ARV1: variants seen among roughly 807,000 people sequenced by gnomAD.
ARV1 encodes ARV1 fatty acid homeostasis modulator, also known as protein ARV1.
Under a neutral mutation model 31.1 loss-of-function variants are expected in ARV1, and 26 were observed. The observed-to-expected ratio is 0.84, with a 90% CI of 0.61 to 1.16. The LOEUF (loss-of-function observed/expected upper bound fraction) is 1.16, where lower values mean the gene tolerates loss of function less well. ARV1 is among the 50% of genes most tolerant of loss of function. The pLI is 0.00. For missense variants in ARV1, 281 were observed against 324.9 expected, an observed-to-expected ratio of 0.86 and a Z score of 1.04; for synonymous variants, 117 against 123.2, an observed-to-expected ratio of 0.95 and a Z score of 0.34.
chr1:230,984,790 T>C (rs202014705), intron 1 of ARV1, among the ~76,000 whole-genome samples: 647 of 114,734 alleles, frequency 5.6e-3, no homozygotes, highest in South Asian at 8.7e-3. Flanking sequence ...AGGTGCAAGG[T>C]TCTAAATCCT....
intron 1 of ARV1, among the ~76,000 whole-genome samples, chr1:230,984,367 T>TGTGCGCGC (rs1553303970): frequency 1.6e-5 from 2 of 124,296 alleles, no homozygotes; most frequent in African/African-American, 7.0e-5. Context: ...TGTGTGCGTG[T>TGTGCGCGC]GTGTGTGTGT....
At chr1:230,989,151 A>G (rs570260374) in intron 2 of ARV1, among the ~76,000 whole-genome samples, 1 of 151,966 alleles carries the variant, frequency 6.6e-6, no homozygotes, top group South Asian at 2.1e-4. Context: ...TTATTTATTT[A>G]TTTTTGAGAC....
chr1:230,995,631 T>C lies in ARV1; in HGVS notation c.449-129T>C, dbSNP rs140543613. 1.6e-3 allele frequency: 1,056 copies of C among 677,126 alleles called. 14 individuals are homozygous for C. The East Asian group carries it at 0.029, about 18-fold the overall frequency. The allele number at this position is 677,126 out of a possible 1,614,324, so 41.9% of individuals were successfully genotyped here. Reference sequence around the variant, plus strand: ...CAAAAAGAAGAAGAAAAAGAGATTGTGATCTTGAGAAAGTATTTCTTATGA... The same window carrying C: ...CAAAAAGAAGAAGAAAAAGAGATTGCGATCTTGAGAAAGTATTTCTTATGA... On this transcript the variant is annotated intron_variant, in intron 3 of 5. Transcript: ENST00000310256.
chr1:230,996,670 G>T (rs1006120361), intron 4 of ARV1, among the ~76,000 whole-genome samples: 3 of 152,114 alleles, frequency 2.0e-5, no homozygotes, highest in African/African-American at 7.2e-5. Flanking sequence ...TCCTGGGCTC[G>T]AGCAGTCTGT....
chr1:230,990,715 C>A, intron 3 of ARV1: 1 of 246,866 alleles, frequency 4.1e-6, no homozygotes, highest in Non-Finnish European at 8.4e-6. Flanking sequence ...ACCACCACAC[C>A]ATGCACCACC....
At chr1:230,989,964 A>T in intron 2 of ARV1, 146 bp from the exon 3 acceptor site, 1 of 798,196 alleles carries the variant, frequency 1.3e-6, no homozygotes, top group Non-Finnish European at 1.9e-6. Context: ...CTCACTGATT[A>T]CAAAATGACT....
chr1:230,987,397 G>T (rs901362617), intron 1 of ARV1, among the ~76,000 whole-genome samples: 6 of 152,324 alleles, frequency 3.9e-5, no homozygotes, highest in South Asian at 4.1e-4. Context: ...TAAAGTGAAT[G>T]GTAGCATTGA....
At chr1:230,998,136 G>C (rs1390931891) in intron 5 of ARV1, among the ~76,000 whole-genome samples, 1 of 152,088 alleles carries the variant, frequency 6.6e-6, no homozygotes, top group African/African-American at 2.4e-5. Context: ...CTGACCTGTG[G>C]GTGTTCCCCT....
In ARV1 at chr1:230,990,041, C is replaced by G. The variant is rs1679185705; in HGVS notation, c.295-69C>G. 3.4e-6 allele frequency: 5 copies of G among 1,461,560 alleles called. No homozygotes were observed. In the Middle Eastern group the frequency reaches 5.3e-4, roughly 156 times the overall value. 90.5% of individuals were successfully genotyped at this position (1,461,560 alleles called of 1,614,324 possible). A position where few individuals can be genotyped will look rare whatever the true frequency, so the allele number is the denominator to read the frequency against. Reference sequence around the variant, plus strand: ...GACTAGGTGGGATGCCACAAATACTCTGTACCTGTTGATACTAGTGCAACT... The same window carrying G: ...GACTAGGTGGGATGCCACAAATACTGTGTACCTGTTGATACTAGTGCAACT... On this transcript the variant is annotated intron_variant, in intron 2 of 5. Transcript: ENST00000310256.
At chr1:230,979,494 C>A (rs1327279104) in intron 1 of ARV1, 3 of 539,706 alleles carry the variant, frequency 5.6e-6, no homozygotes, top group Non-Finnish European at 9.5e-6. Flanking sequence ...CCTAAGCCGG[C>A]GAACGGACCG....
In ARV1 at chr1:230,983,385, C is replaced by A. The variant is rs1053763251; in HGVS notation, c.174+4106C>A. Reference sequence around the variant, plus strand: ...CTGAGATTGCGCCACTGCACTCCAGCCTGGATGACAGAGTGAGACTCCGTC... The same window carrying A: ...CTGAGATTGCGCCACTGCACTCCAGACTGGATGACAGAGTGAGACTCCGTC... On this transcript the variant is annotated intron_variant, in intron 1 of 5. Coordinates refer to ENST00000310256, the MANE Select transcript of ARV1 (RefSeq NM_022786.3). 4.1e-5 allele frequency among the ~76,000 whole-genome samples: 6 copies of A among 145,482 alleles called. No individual in the cohort carries two copies. In the South Asian group the frequency reaches 1.3e-3, roughly 32 times the overall value.
Position 230,994,865 on chromosome 1 carries a change from C to T in ARV1, c.449-895C>T, listed in dbSNP as rs570082056. 1.1e-4 allele frequency among the ~76,000 whole-genome samples: 17 copies of T among 152,238 alleles called. No homozygotes were observed. The South Asian group carries it at 1.9e-3, about 17-fold the overall frequency. ...AGCCCCTAAATTATTTTTATTGATC[C>T]TAATTACCTACATTTGGAACCTCTT... On this transcript the variant is annotated intron_variant, in intron 3 of 5. Transcript: ENST00000310256.
intron 3 of ARV1, 148 bp from the exon 4 acceptor site, chr1:230,995,612 G>T: frequency 1.7e-6 from 1 of 576,566 alleles, no homozygotes; most frequent in Non-Finnish European, 2.9e-6. Context: ...CAAACAAAAA[G>T]AAGAAGAAAA....
In ARV1 at chr1:230,995,864, T is replaced by C. The variant is rs1020579771; in HGVS notation, c.553T>C (p.Leu185=). 1.2e-6 allele frequency: 2 copies of C among 1,614,192 alleles called. No individual in the cohort carries two copies. The highest frequency in any genetic ancestry group is 1.7e-6 in the Non-Finnish European group (2 of 1,180,024). ...NFILLLKALL[L]SSYGKLLLIP... ...CATTTTGCTGCTGAAAGCATTATTA[T>C]TATCTAGCTACGGAAAACTCTTGCT... Residue 185 remains leucine (L), a synonymous_variant, in exon 4 of 6, where the codon TTA becomes CTA. Coordinates refer to ENST00000310256, the MANE Select transcript of ARV1 (RefSeq NM_022786.3).
intron 3 of ARV1, among the ~76,000 whole-genome samples, chr1:230,994,573 G>C (rs895155764): frequency 7.2e-6 from 1 of 138,944 alleles, no homozygotes; most frequent in East Asian, 2.1e-4. Context: ...ACGGAGTCTC[G>C]CTCTGTCGCC....
intron 3 of ARV1, among the ~76,000 whole-genome samples, chr1:230,991,812 A>G (rs1210483707): frequency 6.6e-6 from 1 of 151,826 alleles, no homozygotes; most frequent in Non-Finnish European, 1.5e-5. Context: ...TTGTATTTTT[A>G]GTAGAGACGG....
intron 4 of ARV1, among the ~76,000 whole-genome samples, chr1:230,996,754 C>T (rs975472171): frequency 9.2e-5 from 14 of 152,274 alleles, no homozygotes; most frequent in African/African-American, 3.4e-4. Context: ...TTTAAATGAA[C>T]TTATTACCTG....
In ARV1 at chr1:230,995,914, T is replaced by C. The variant is rs1679350215; in HGVS notation, c.603T>C (p.His201=). 6.2e-7 allele frequency: 1 copy of C among 1,614,058 alleles called. No individual in the cohort carries two copies. Among genetic ancestry groups the C allele is most frequent in the South Asian group, 1.1e-5 (1 of 91,090 alleles). ...LLLIPAVIWE[H]DYTSVCLKLI... ...TGATTCCAGCTGTCATTTGGGAACA[T>C]GACTACACATCTGTGTGCCTCAAAC... The change falls in exon 4 of 6, where the codon CAT becomes CAC. Residue 201 remains histidine (H), a synonymous_variant. Transcript: ENST00000310256.
chr1:230,982,704 C>A (rs1678943307), intron 1 of ARV1, among the ~76,000 whole-genome samples: 2 of 152,140 alleles, frequency 1.3e-5, no homozygotes, highest in African/African-American at 4.8e-5. Context: ...AAACTTTAGG[C>A]CATAATAGCA....
Sources: allele counts gnomAD v4.1 joint callset (sites outside exome capture counted in the v4.1 genomes callset), GRCh38; gene constraint gnomAD v4.1.1; transcripts MANE v1.5; gene names NCBI Gene and HGNC (gene_info 2026-07-23, HGNC 2026-07-21).